The following CHID1 variants were observed in gnomAD, a reference collection of about 807,000 sequenced individuals.
The protein encoded by CHID1 is chitinase domain containing 1, also known as chitinase domain-containing protein 1.
CHID1 carries 44 observed loss-of-function variants against 55.4 expected under a neutral mutation model. The ratio of observed to expected loss-of-function variants is 0.79; its 90% confidence interval spans 0.62 to 1.02. The LOEUF is 1.02. CHID1 is among the 50% of genes least tolerant of loss of function. The probability of loss-of-function intolerance (pLI) is 0.00; values close to 1 mark genes in which losing one functional copy is unlikely to be tolerated. For synonymous variants in CHID1, 216 were observed against 212.9 expected, an observed-to-expected ratio of 1.01 and a Z score of -0.13; for missense variants, 491 against 515.3, an observed-to-expected ratio of 0.95 and a Z score of 0.46.
At chr11:886,297 A>G (rs1850391420) in intron 8 of CHID1, among the ~76,000 whole-genome samples, 1 of 151,804 alleles carries the variant, frequency 6.6e-6, no homozygotes, top group East Asian at 1.9e-4. Flanking sequence ...CTGTCTCCAC[A>G]TTAATTAAAA....
chr11:900,296 G>C (rs1175248115), intron 5 of CHID1, among the ~76,000 whole-genome samples, 186 bp from the exon 6 acceptor site: 1 of 152,178 alleles, frequency 6.6e-6, no homozygotes, highest in Admixed American at 6.5e-5. Context: ...TCACAGGCTG[G>C]AGAGGGAGGG....
intron 10 of CHID1, among the ~76,000 whole-genome samples, chr11:876,464 C>T (rs888876092): frequency 6.6e-6 from 1 of 152,294 alleles, no homozygotes; most frequent in African/African-American, 2.4e-5. Flanking sequence ...GCCCCTCCAC[C>T]GTGCAGACAT....
At chr11:870,359 C>T in intron 11 of CHID1, 60 bp downstream of exon 11, 2 of 1,440,946 alleles carry the variant, frequency 1.4e-6, no homozygotes, top group Non-Finnish European at 1.9e-6. Flanking sequence ...CTCATCTCCA[C>T]CCCCAGGGCC....
At chr11:882,057 T>C (rs924493163) in intron 10 of CHID1, among the ~76,000 whole-genome samples, 2 of 146,814 alleles carry the variant, frequency 1.4e-5, no homozygotes, top group Non-Finnish European at 3.0e-5. Flanking sequence ...CCCGGTGTGG[T>C]GGCTCACCCC....
intron 10 of CHID1, among the ~76,000 whole-genome samples, chr11:880,753 C>G (rs1462850776): frequency 6.6e-6 from 1 of 152,210 alleles, no homozygotes; most frequent in Non-Finnish European, 1.5e-5. Flanking sequence ...GGAGGGCAGG[C>G]CTGTGGGGGA....
chr11:883,565 C>G (rs1409331664), intron 9 of CHID1, among the ~76,000 whole-genome samples: 2 of 152,168 alleles, frequency 1.3e-5, no homozygotes, highest in African/African-American at 4.8e-5. Flanking sequence ...GCCAGGATCA[C>G]CCATCAGAAA....
chr11:905,853 G>T (rs1294298940), intron 1 of CHID1, among the ~76,000 whole-genome samples: 2 of 152,030 alleles, frequency 1.3e-5, no homozygotes, highest in Non-Finnish European at 2.9e-5. Context: ...CACTGGAGTA[G>T]AACTACATAC....
Position 869,666 on chromosome 11 carries a change from C to T in CHID1, c.*192G>A. The T allele has an allele frequency of 1.7e-6, 1 of 605,140 alleles. No homozygotes were observed. Among genetic ancestry groups the T allele is most frequent in the South Asian group, 2.0e-5 (1 of 50,264 alleles). 37.5% of individuals were successfully genotyped at this position (605,140 alleles called of 1,614,324 possible). On this transcript the variant is annotated 3_prime_UTR_variant, in exon 13 of 13. Coordinates refer to ENST00000323578, the MANE Select transcript of CHID1 (RefSeq NM_023947.4). ...GAGGGGCTCGAGCTCTCAGGGTGTC[C>T]CCCAGCTAGGACTCATCCAGGGCAG...
chr11:882,804 C>T (rs377487396), intron 10 of CHID1, among the ~76,000 whole-genome samples: 5 of 152,328 alleles, frequency 3.3e-5, no homozygotes, highest in African/African-American at 9.6e-5. Flanking sequence ...AAATTACTCC[C>T]GGGCAGAGGA....
At chr11:890,502 C>T (rs917090904) in intron 8 of CHID1, among the ~76,000 whole-genome samples, 2 of 152,228 alleles carry the variant, frequency 1.3e-5, no homozygotes, top group African/African-American at 2.4e-5. Flanking sequence ...AGGCCGGCAA[C>T]GGCGCCAGCA....
intron 10 of CHID1, among the ~76,000 whole-genome samples, chr11:878,733 G>T (rs183288068): frequency 1.3e-5 from 2 of 151,554 alleles, no homozygotes; most frequent in African/African-American, 4.8e-5. Flanking sequence ...ACAGAGTCTC[G>T]CACTGTTGCC....
chr11:895,410 T>C (rs1160542714), intron 7 of CHID1, among the ~76,000 whole-genome samples: 1 of 152,080 alleles, frequency 6.6e-6, no homozygotes, highest in East Asian at 1.9e-4. Context: ...GTGAGTCAGG[T>C]CTACCCAGGC....
At position 868,081 on chromosome 11, in the gene CHID1, C is replaced by T. The variant is rs1848970250; in HGVS notation, c.*1777G>A. On this transcript the variant is annotated 3_prime_UTR_variant, in exon 13 of 13. Coordinates refer to ENST00000323578, the MANE Select transcript of CHID1 (RefSeq NM_023947.4). ...GCTCTAGACATCCCATCCTGTGTGGCATCCCCACCCCTGCCTCCACCCAAT... is the reference window on the plus strand; with the variant it reads ...GCTCTAGACATCCCATCCTGTGTGGTATCCCCACCCCTGCCTCCACCCAAT... The T allele has an allele frequency of 6.6e-6, 1 of 152,064 alleles. No homozygotes were observed. The highest frequency in any genetic ancestry group is 1.5e-5 in the Non-Finnish European group (1 of 68,020). The allele number at this position is 152,064 out of a possible 1,614,324, so 9.4% of individuals were successfully genotyped here.
chr11:895,051 G>A (rs369834147), intron 7 of CHID1, among the ~76,000 whole-genome samples: 1 of 152,188 alleles, frequency 6.6e-6, no homozygotes, highest in Admixed American at 6.5e-5. Flanking sequence ...ATGGGTACCA[G>A]AGGCTGTCAC....
Position 884,052 on chromosome 11 carries a change from C to T in CHID1, c.803+16G>A, listed in dbSNP as rs775557617. On this transcript the variant is annotated intron_variant, in intron 9 of 12. Coordinates refer to ENST00000323578, the MANE Select transcript of CHID1 (RefSeq NM_023947.4). ...GGAGTTTGCTGTGCCCAGGAGCCCC[C>T]CAAGCCCACACTCACTGATGCGCTG... 3 of 1,606,124 alleles carry T rather than the reference C, an allele frequency of 1.9e-6. No homozygotes were observed. Among genetic ancestry groups the T allele is most frequent in the Non-Finnish European group, 1.7e-6 (2 of 1,172,770 alleles).
intron 7 of CHID1, among the ~76,000 whole-genome samples, chr11:898,033 G>A (rs1322489719): frequency 2.0e-5 from 3 of 152,214 alleles, no homozygotes; most frequent in African/African-American, 7.2e-5. Flanking sequence ...TCAGAGCACA[G>A]TGGGAGGAGC....
At chr11:880,631 G>A (rs775114538) in intron 10 of CHID1, among the ~76,000 whole-genome samples, 7 of 152,078 alleles carry the variant, frequency 4.6e-5, no homozygotes, top group South Asian at 2.1e-4. Flanking sequence ...CTCAGGACCC[G>A]CAAATCCAGC....
At chr11:876,603 C>T (rs937440140) in intron 10 of CHID1, among the ~76,000 whole-genome samples, 2 of 152,218 alleles carry the variant, frequency 1.3e-5, no homozygotes, top group Non-Finnish European at 2.9e-5. Context: ...TTGCCTCTGC[C>T]TGTGATCCTT....
At chr11:897,757 T>C (rs1422725117) in intron 7 of CHID1, among the ~76,000 whole-genome samples, 1 of 152,090 alleles carries the variant, frequency 6.6e-6, no homozygotes, top group East Asian at 1.9e-4. Context: ...CTTGGACACA[T>C]CCGGTGGGGG....
Sources: allele counts gnomAD v4.1 joint callset (sites outside exome capture counted in the v4.1 genomes callset), GRCh38; gene constraint gnomAD v4.1.1; transcripts MANE v1.5; gene names NCBI Gene and HGNC (gene_info 2026-07-23, HGNC 2026-07-21).